Variants in ESR1 observed in about 807,000 individuals in gnomAD.
The protein encoded by ESR1 is estrogen receptor.
Under a neutral mutation model 52.7 loss-of-function variants are expected in ESR1, and 12 were observed. The observed-to-expected ratio is 0.23, with a 90% CI of 0.15 to 0.37. The LOEUF is 0.37. ESR1 is among the 10% of genes least tolerant of loss of function. The pLI is 1.00. For missense variants in ESR1, 584 were observed against 779.7 expected (o/e 0.75, Z 2.99); for synonymous variants, 305 against 316.8 (o/e 0.96, Z 0.39).
At chr6:152,122,155 C>G in intron 6 of ESR1, 3 of 463,496 alleles carry the variant, frequency 6.5e-6, no homozygotes, top group Non-Finnish European at 1.2e-5. Context: ...TTCATGAGTC[C>G]GGGGAACTTT....
intron 7 of ESR1, among the ~76,000 whole-genome samples, chr6:152,095,644 G>C (rs3020383): frequency 0.069 from 10,429 of 152,200 alleles, 433 homozygotes; most frequent in Middle Eastern, 0.12. Flanking sequence ...AGTCAAAGAG[G>C]GACATGTTGC....
Position 152,079,509 on chromosome 6 carries a change from T to TCATCA in ESR1, c.1370-14876_1370-14875insCATCA, listed in dbSNP as rs544350377. 9.8e-3 allele frequency among the ~76,000 whole-genome samples: 1,490 copies of TCATCA among 152,096 alleles called. 26 individuals carry two copies. The highest frequency in any genetic ancestry group is 0.034 in the African/African-American group (1,431 of 41,484). On this transcript the variant is annotated intron_variant, in intron 6 of 7. Transcript: ENST00000206249. ...GGTCATCAACATCAAAGACCAAAGG[T>TCATCA]AGATAAAACCACAAAGATGGGGAGA...
intron 1 of ESR1, among the ~76,000 whole-genome samples, chr6:151,661,569 A>C (rs1258493353): frequency 1.3e-5 from 2 of 152,350 alleles, no homozygotes; most frequent in Middle Eastern, 3.4e-3. Flanking sequence ...ACAAATATTC[A>C]AAATAGTTAT....
chr6:152,001,322 T>C (rs1237549428), intron 4 of ESR1, among the ~76,000 whole-genome samples: 2 of 151,820 alleles, frequency 1.3e-5, no homozygotes, highest in Non-Finnish European at 2.9e-5. Flanking sequence ...CAGCAGAGAA[T>C]TGGAAGGAGA....
chr6:151,958,570 T>G (rs2037269314), intron 4 of ESR1, among the ~76,000 whole-genome samples: 1 of 152,346 alleles, frequency 6.6e-6, no homozygotes, highest in East Asian at 1.9e-4. Context: ...TGTTCATTGT[T>G]ATCTTGTGGC....
upstream of ESR1, among the ~76,000 whole-genome samples, chr6:151,686,288 C>A (rs1778671605): frequency 6.6e-6 from 1 of 152,062 alleles, no homozygotes; most frequent in Non-Finnish European, 1.5e-5. Flanking sequence ...AGACAGTATA[C>A]AGTGTCATTG....
At chr6:152,074,151 C>T (rs1295958170) in intron 6 of ESR1, among the ~76,000 whole-genome samples, 2 of 152,092 alleles carry the variant, frequency 1.3e-5, no homozygotes, top group South Asian at 2.1e-4. Flanking sequence ...TTTGCATTGG[C>T]GTTGGGCATT....
intron 6 of ESR1, among the ~76,000 whole-genome samples, chr6:152,115,634 A>G (rs2051201403): frequency 6.6e-6 from 1 of 150,426 alleles, no homozygotes. Flanking sequence ...AAAGAACTAT[A>G]TGAAGTCAGG....
chr6:152,072,347 C>T (rs2048418334), intron 6 of ESR1, among the ~76,000 whole-genome samples: 1 of 152,076 alleles, frequency 6.6e-6, no homozygotes, highest in African/African-American at 2.4e-5. Context: ...GGCTCTTTGC[C>T]ACTGATTTTT....
chr6:151,820,467 G>T (rs182878226), intron 1 of ESR1, among the ~76,000 whole-genome samples: 117 of 152,176 alleles, frequency 7.7e-4, no homozygotes, highest in Admixed American at 6.0e-3. Context: ...TGGTACTATT[G>T]TTATTCTCAT....
intron 2 of ESR1, among the ~76,000 whole-genome samples, chr6:151,729,301 C>T (rs1251863530): frequency 6.6e-6 from 1 of 152,124 alleles, no homozygotes; most frequent in Non-Finnish European, 1.5e-5. Flanking sequence ...ATGCCTTGGC[C>T]TTGGACTTCC....
intron 5 of ESR1, among the ~76,000 whole-genome samples, chr6:152,038,269 G>A (rs773079518): frequency 5.3e-5 from 8 of 152,304 alleles, no homozygotes; most frequent in Admixed American, 2.0e-4. Context: ...TCCTAGCCAC[G>A]CTGGCATGAT....
In ESR1 at chr6:152,099,137, T is replaced by C. The variant is rs2050868211; in HGVS notation, c.*171T>C. On this transcript the variant is annotated 3_prime_UTR_variant, in exon 8 of 8. Coordinates refer to ENST00000206249, the MANE Select transcript of ESR1 (RefSeq NM_000125.4). Reference sequence around the variant, plus strand: ...CTTGCTCAGTTCTTAGTGGCACATCTTCTGTCTTCTGTTGGGAACAGCCAA... The same window carrying C: ...CTTGCTCAGTTCTTAGTGGCACATCCTCTGTCTTCTGTTGGGAACAGCCAA... The C allele has an allele frequency of 4.6e-6, 3 of 647,362 alleles. No individual in the cohort carries two copies. Among genetic ancestry groups the C allele is most frequent in the Non-Finnish European group, 5.6e-6 (2 of 356,682 alleles). The allele number at this position is 647,362 out of a possible 1,614,324, so 40.1% of individuals were successfully genotyped here.
intron 2 of ESR1, among the ~76,000 whole-genome samples, chr6:151,746,621 A>G (rs1422651853): frequency 6.6e-6 from 1 of 152,262 alleles, no homozygotes; most frequent in African/African-American, 2.4e-5. Flanking sequence ...TACAAAGATT[A>G]TCTTAACTGA....
chr6:151,746,477 G>A (rs1197201519), intron 2 of ESR1, among the ~76,000 whole-genome samples: 2 of 152,126 alleles, frequency 1.3e-5, no homozygotes, highest in African/African-American at 4.8e-5. Flanking sequence ...GAACACAAAA[G>A]TCAAACCTTT....
chr6:151,851,733 G>A (rs2128256025), intron 2 of ESR1, among the ~76,000 whole-genome samples: 1 of 152,178 alleles, frequency 6.6e-6, no homozygotes, highest in Non-Finnish European at 1.5e-5. Flanking sequence ...TCACCATGTT[G>A]GCCAGGCTGG....
chr6:151,738,745 A>G (rs1322196616), intron 2 of ESR1, among the ~76,000 whole-genome samples: 1 of 152,214 alleles, frequency 6.6e-6, no homozygotes, highest in East Asian at 1.9e-4. Flanking sequence ...TACATTTCAC[A>G]TATGCCTCAT....
chr6:151,739,468 A>C (rs116706411), intron 2 of ESR1, among the ~76,000 whole-genome samples: 5 of 152,258 alleles, frequency 3.3e-5, no homozygotes, highest in African/African-American at 1.2e-4. Flanking sequence ...TCTCATTGAC[A>C]CCAAGGGATT....
intron 5 of ESR1, among the ~76,000 whole-genome samples, chr6:152,024,470 C>T (rs2043952568): frequency 6.6e-6 from 1 of 151,546 alleles, no homozygotes; most frequent in Admixed American, 6.6e-5. Flanking sequence ...TTAGGAAGTA[C>T]TGATATCTCC....
Sources: allele counts gnomAD v4.1 joint callset (sites outside exome capture counted in the v4.1 genomes callset), GRCh38; gene constraint gnomAD v4.1.1; transcripts MANE v1.5; gene names NCBI Gene and HGNC (gene_info 2026-07-23, HGNC 2026-07-21).